The following JMJD7 variants were observed in gnomAD, a reference collection of about 807,000 sequenced individuals.
JMJD7 encodes the protein jumonji domain containing 7.
A neutral mutation model predicts 41.1 loss-of-function variants in JMJD7; 41 were observed. The ratio of observed to expected loss-of-function variants is 1.00; its 90% CI spans 0.78 to 1.30. The LOEUF (loss-of-function observed/expected upper bound fraction) is 1.30. Ranked by LOEUF, JMJD7 falls within the 50% of genes most tolerant of loss-of-function variation. The probability of loss-of-function intolerance (pLI) is 0.00; values close to 1 mark genes in which losing one functional copy is unlikely to be tolerated. For synonymous variants in JMJD7, 202 were observed against 177.2 expected (o/e 1.14, Z -1.11); for missense variants, 480 against 420.7 (o/e 1.14, Z -1.23).
chr15:41,832,131 C>T (rs1455531991), intron 1 of JMJD7, among the ~76,000 whole-genome samples: 1 of 152,176 alleles, frequency 6.6e-6, no homozygotes, highest in Non-Finnish European at 1.5e-5. Flanking sequence ...TGTGTTGGCA[C>T]CTGAAGCTGC....
intron 1 of JMJD7, chr15:41,828,539 A>G: frequency 4.3e-6 from 1 of 233,810 alleles, no homozygotes; most frequent in Non-Finnish European, 8.2e-6. Context: ...CTCCGACCTC[A>G]ACTCCCTTGT....
At chr15:41,830,362 G>T (rs2140873674) in intron 1 of JMJD7, among the ~76,000 whole-genome samples, 1 of 152,336 alleles carries the variant, frequency 6.6e-6, no homozygotes, top group African/African-American at 2.4e-5. Context: ...ATTTGTTTGG[G>T]GTGGTCAGAG....
At chr15:41,828,344 T>C (rs1364251036) in intron 1 of JMJD7, 156 bp downstream of exon 1, 1 of 904,386 alleles carries the variant, frequency 1.1e-6, no homozygotes, top group African/African-American at 1.8e-5. Context: ...TCTCCCGTGT[T>C]CGCGCGCTCC....
At position 41,836,214 on chromosome 15, in the gene JMJD7, C is replaced by T. The variant is rs151103927; in HGVS notation, c.596C>T (p.Pro199Leu). 26 of 1,612,964 alleles carry T rather than the reference C, an allele frequency of 1.6e-5. No homozygotes were observed. The highest frequency in any genetic ancestry group is 1.7e-4 in the Middle Eastern group (1 of 6,052). The part of the protein sequence containing the change: ...VSGEKHFLFH[P>L]PSDRPFIPYE... The stretch of plus-strand genomic sequence containing the variant: ...GGAGAGAAGCATTTCCTGTTCCATC[C>T]GCCCAGCGACCGGCCCTTCATCCCC... The change falls in exon 5 of 8, where the codon CCG becomes CTG. Residue 199 changes from proline to leucine, a missense_variant. By Grantham distance (98) the Pro-to-Leu change is moderately conservative (BLOSUM62 -3). Coordinates refer to ENST00000397299, the MANE Select transcript of JMJD7 (RefSeq NM_001114632.2).
At chr15:41,835,542 C>A (rs748150035) in intron 3 of JMJD7, 46 bp from the exon 4 acceptor site, 3 of 1,594,922 alleles carry the variant, frequency 1.9e-6, no homozygotes, top group Non-Finnish European at 2.6e-6. Flanking sequence ...TGGCAGCTTT[C>A]CCCAGCCTGG....
rs374779486 is a variant in JMJD7, at chr15:41,835,024, G to A, written c.273G>A (p.Ala91=). ...VSVAVTPDGY[A]DAVRGDRFMM... is the part of the protein sequence containing the mutation. ...TGGCCGTGACCCCAGATGGTTACGC[G>A]GATGCCGTGAGAGGGGATCGCTTCA... Residue 91 remains alanine, a synonymous_variant, in exon 3 of 8, where the codon GCG becomes GCA. Transcript: ENST00000397299. 6.4e-5 allele frequency: 104 copies of A among 1,614,058 alleles called. No individual in the cohort carries two copies. Among genetic ancestry groups the A allele is most frequent in the East Asian group, 4.5e-4 (20 of 44,882 alleles).
At chr15:41,836,415 G>C in intron 5 of JMJD7, 60 bp from the exon 6 acceptor site, 5 of 1,557,808 alleles carry the variant, frequency 3.2e-6, no homozygotes, top group Non-Finnish European at 2.6e-6. Flanking sequence ...GGGTGGAGGA[G>C]GGTCTGGCAA....
At chr15:41,831,727 A>G (rs2140875290) in intron 1 of JMJD7, among the ~76,000 whole-genome samples, 1 of 152,294 alleles carries the variant, frequency 6.6e-6, no homozygotes, top group South Asian at 2.1e-4. Context: ...GGAGCTGCCC[A>G]CTGTGGGTCT....
intron 4 of JMJD7, chr15:41,835,916 A>C: frequency 1.7e-6 from 1 of 572,414 alleles, no homozygotes; most frequent in Non-Finnish European, 3.0e-6. Context: ...AGTGTAGGAG[A>C]ACTTCCCCTC....
chr15:41,834,629 G>T, intron 1 of JMJD7, 111 bp from the exon 2 acceptor site: 2 of 1,486,824 alleles, frequency 1.3e-6, no homozygotes, highest in South Asian at 2.6e-5. Context: ...GGTCACCAAC[G>T]AGCATTTCCC....
intron 1 of JMJD7, among the ~76,000 whole-genome samples, chr15:41,834,338 T>C (rs2065277505): frequency 6.6e-6 from 1 of 152,230 alleles, no homozygotes; most frequent in Non-Finnish European, 1.5e-5. Flanking sequence ...ACACCCAGAA[T>C]AGCCCGTGGC....
rs976684452 is a variant in JMJD7, at chr15:41,837,210, C to T, written c.*54C>T. 4.6e-6 allele frequency: 6 copies of T among 1,290,538 alleles called. No individual in the cohort carries two copies. The African/African-American group carries it at 5.9e-5, about 13-fold the overall frequency. 79.9% of individuals were successfully genotyped at this position (1,290,538 alleles called of 1,614,324 possible). On this transcript the variant is annotated 3_prime_UTR_variant, in exon 8 of 8. Transcript: ENST00000397299. Reference sequence around the variant, plus strand: ...GCCTCGGGGGACGGAGCCAGCCCCTCCCTGGCCAGGTCAATTCTCGAGAGA... The same window carrying T: ...GCCTCGGGGGACGGAGCCAGCCCCTTCCTGGCCAGGTCAATTCTCGAGAGA...
chr15:41,834,852 G>C lies in JMJD7; in HGVS notation c.177G>C (p.Gln59His). 1 of 1,614,238 alleles carries C rather than the reference G, an allele frequency of 6.2e-7. No homozygotes were observed. The highest frequency in any genetic ancestry group is 8.5e-7 in the Non-Finnish European group (1 of 1,180,042). ...NRPCIIRNAL[Q>H]HWPALQKWSL... ...CGTGCATTATCCGCAACGCTCTGCA[G>C]CACTGGCCGGCCCTCCAGAAGTGGT... Residue 59 changes from glutamine (Q) to histidine (H), a missense_variant, in exon 2 of 8, where the codon CAG becomes CAC. Physicochemically the swap from Gln to His is conservative, Grantham distance 24. Coordinates refer to ENST00000397299, the MANE Select transcript of JMJD7 (RefSeq NM_001114632.2).
chr15:41,833,313 C>G (rs895414192), intron 1 of JMJD7, among the ~76,000 whole-genome samples: 1 of 147,496 alleles, frequency 6.8e-6, no homozygotes, highest in South Asian at 2.1e-4. Flanking sequence ...CATCAGTGAA[C>G]AGACAACTGT....
At chr15:41,831,692 C>A (rs1183570906) in intron 1 of JMJD7, among the ~76,000 whole-genome samples, 1 of 152,162 alleles carries the variant, frequency 6.6e-6, no homozygotes, top group Admixed American at 6.5e-5. Flanking sequence ...GCTGAACACT[C>A]GTTGGGACAC....
intron 1 of JMJD7, among the ~76,000 whole-genome samples, chr15:41,833,438 T>TTTTTTTTTTTTA (rs2065263483): frequency 9.4e-6 from 1 of 106,408 alleles, no homozygotes; most frequent in Non-Finnish European, 2.0e-5. Flanking sequence ...TTTTTTTTTT[T>TTTTTTTTTTTTA]GAGATAAAGT....
At chr15:41,833,369 T>C (rs1255833320) in intron 1 of JMJD7, among the ~76,000 whole-genome samples, 1 of 140,660 alleles carries the variant, frequency 7.1e-6, no homozygotes, top group Non-Finnish European at 1.5e-5. Flanking sequence ...GAAAGAATGA[T>C]AAACAGTTTA....
rs1481897052 is a variant in JMJD7, at chr15:41,836,173, C to G, written c.555C>G (p.Leu185=). 1.2e-6 allele frequency: 2 copies of G among 1,611,222 alleles called. No individual in the cohort carries two copies. Among genetic ancestry groups the G allele is most frequent in the Non-Finnish European group, 1.7e-6 (2 of 1,178,490 alleles). Residue 185 remains leucine, a synonymous_variant, in exon 5 of 8, where the codon CTC becomes CTG. Coordinates refer to ENST00000397299, the MANE Select transcript of JMJD7 (RefSeq NM_001114632.2). The part of the protein sequence containing the change: ...TSLHKDHYEN[L]YCVVSGEKHF... ...TGCACAAGGACCACTATGAGAACCT[C>G]TACTGCGTGGTCTCAGGAGAGAAGC...
chr15:41,836,360 T>G lies in JMJD7; in HGVS notation c.626-115T>G. 2.6e-6 allele frequency: 4 copies of G among 1,553,380 alleles called. No individual in the cohort carries two copies. In the Middle Eastern group the frequency reaches 5.0e-4, roughly 195 times the overall value. ...TGAGGTGTGGCTGTGGCATCCCCAG[T>G]GCACCAGGGCCCCTGATCCCCTTGC... On this transcript the variant is annotated intron_variant, in intron 5 of 7. Coordinates refer to ENST00000397299, the MANE Select transcript of JMJD7 (RefSeq NM_001114632.2).
Sources: allele counts gnomAD v4.1 joint callset (sites outside exome capture counted in the v4.1 genomes callset), GRCh38; gene constraint gnomAD v4.1.1; transcripts MANE v1.5; gene names NCBI Gene and HGNC (gene_info 2026-07-23, HGNC 2026-07-21).